The following KIF18A variants were observed in gnomAD, a reference collection of about 807,000 sequenced individuals.
The protein encoded by KIF18A is kinesin-like protein KIF18A.
KIF18A carries 67 observed loss-of-function variants against 103.3 expected under a neutral mutation model. That is an observed-to-expected ratio of 0.65 (90% CI 0.53 to 0.79). The LOEUF (loss-of-function observed/expected upper bound fraction) is 0.79, where lower values mean the gene tolerates loss of function less well. KIF18A is among the 30% of genes least tolerant of loss of function. KIF18A has a pLI of 0.00. For synonymous variants in KIF18A, 367 were observed against 355.5 expected (o/e 1.03, Z -0.36); for missense variants, 1,032 against 1,062.5 (o/e 0.97, Z 0.40).
In KIF18A at chr11:28,051,983, GAT is replaced by G. The variant is rs528896504; in HGVS notation, c.1948+6941_1948+6942del. 3.3e-5 allele frequency among the ~76,000 whole-genome samples: 5 copies of G among 152,120 alleles called. No homozygotes were observed. In the South Asian group the frequency reaches 1.0e-3, roughly 32 times the overall value. ...CTCTGAAGGTGACTCAATTCTTTTAGATGCTAAGTTCCAAAATTTTAGATTCA... is the reference window on the plus strand; with the variant it reads ...CTCTGAAGGTGACTCAATTCTTTTAGGCTAAGTTCCAAAATTTTAGATTCA... On this transcript the variant is annotated intron_variant, in intron 13 of 16. Coordinates refer to ENST00000263181, the MANE Select transcript of KIF18A (RefSeq NM_031217.4).
chr11:28,076,597 T>C (rs1020453405), intron 10 of KIF18A: 1 of 152,396 alleles, frequency 6.6e-6, no homozygotes, highest in African/African-American at 2.4e-5. Flanking sequence ...CTGTAAAGAA[T>C]GGGTGAGTAA....
At chr11:28,096,439 T>C (rs1188816508) in intron 2 of KIF18A, among the ~76,000 whole-genome samples, 1 of 152,188 alleles carries the variant, frequency 6.6e-6, no homozygotes, top group Admixed American at 6.5e-5. Flanking sequence ...AGGTTTAAAA[T>C]GGCTTATTCT....
intron 1 of KIF18A, among the ~76,000 whole-genome samples, chr11:28,105,764 A>G (rs965472133): frequency 1.3e-5 from 2 of 152,226 alleles, no homozygotes; most frequent in Non-Finnish European, 2.9e-5. Context: ...CTCAATAAGT[A>G]TGCTTTAACA....
chr11:28,096,422 A>T (rs1284044038), intron 2 of KIF18A, among the ~76,000 whole-genome samples: 3 of 152,200 alleles, frequency 2.0e-5, no homozygotes, highest in African/African-American at 7.2e-5. Context: ...AAGCTGGTAT[A>T]TAAGGAAGGT....
intron 6 of KIF18A, among the ~76,000 whole-genome samples, chr11:28,087,887 T>G (rs1453733399): frequency 6.6e-6 from 1 of 152,212 alleles, no homozygotes; most frequent in Non-Finnish European, 1.5e-5. Flanking sequence ...CGAGTATGGT[T>G]TAACTTAAAT....
At chr11:28,059,299 G>T (rs759945355) in intron 12 of KIF18A, 138 bp from the exon 13 acceptor site, 1 of 693,770 alleles carries the variant, frequency 1.4e-6, no homozygotes, top group Non-Finnish European at 2.4e-6. Flanking sequence ...TCTAGTCTCA[G>T]ATTGTCTTCA....
At chr11:28,105,518 G>A (rs976391913) in intron 1 of KIF18A, among the ~76,000 whole-genome samples, 5 of 152,084 alleles carry the variant, frequency 3.3e-5, no homozygotes, top group African/African-American at 4.8e-5. Context: ...AAATTAATAC[G>A]TCTATCACCA....
At chr11:28,049,985 A>G (rs1484949569) in intron 13 of KIF18A, among the ~76,000 whole-genome samples, 1 of 151,942 alleles carries the variant, frequency 6.6e-6, no homozygotes, top group Non-Finnish European at 1.5e-5. Flanking sequence ...TACACTTATG[A>G]GACACTCTCA....
chr11:28,054,144 T>C (rs1449708502), intron 13 of KIF18A, among the ~76,000 whole-genome samples: 2 of 151,966 alleles, frequency 1.3e-5, no homozygotes, highest in Non-Finnish European at 2.9e-5. Context: ...GCAATAATAG[T>C]GAAAATTTAT....
chr11:28,057,905 T>TTTGTTTAGTTA (rs1850802516), intron 13 of KIF18A, among the ~76,000 whole-genome samples: 1 of 152,068 alleles, frequency 6.6e-6, no homozygotes, highest in African/African-American at 2.4e-5. Flanking sequence ...CCAATAAACA[T>TTTGTTTAGTTA]AATAAACTAA....
intron 13 of KIF18A, chr11:28,057,036 T>TA (rs1269422315): frequency 6.7e-5 from 13 of 194,372 alleles, no homozygotes; most frequent in East Asian, 1.8e-4. Context: ...AACATATATA[T>TA]AAAAAAAAGC....
At chr11:28,064,694 A>G (rs1291196689) in intron 11 of KIF18A, among the ~76,000 whole-genome samples, 1 of 152,082 alleles carries the variant, frequency 6.6e-6, no homozygotes, top group African/African-American at 2.4e-5. Context: ...ACTTGATTGT[A>G]TAATTGTATT....
intron 15 of KIF18A, among the ~76,000 whole-genome samples, chr11:28,032,313 A>G (rs987432322): frequency 1.3e-5 from 2 of 151,980 alleles, no homozygotes; most frequent in Non-Finnish European, 2.9e-5. Flanking sequence ...TACAGAATCA[A>G]TGCAATCCCT....
chr11:28,086,741 A>C (rs1851233888), intron 6 of KIF18A, among the ~76,000 whole-genome samples: 1 of 152,200 alleles, frequency 6.6e-6, no homozygotes, highest in African/African-American at 2.4e-5. Flanking sequence ...GTGCTATTTT[A>C]AGTGATTTTA....
At chr11:28,101,528 G>A (rs1312645935) in intron 1 of KIF18A, among the ~76,000 whole-genome samples, 1 of 152,104 alleles carries the variant, frequency 6.6e-6, no homozygotes, top group Non-Finnish European at 1.5e-5. Flanking sequence ...GACTGTGATA[G>A]TGGATAAGTT....
intron 12 of KIF18A, among the ~76,000 whole-genome samples, chr11:28,060,992 T>G (rs1850850132): frequency 6.6e-6 from 1 of 152,204 alleles, no homozygotes; most frequent in Admixed American, 6.5e-5. Flanking sequence ...CTTTGCGCCC[T>G]GTACCTTTTC....
At chr11:28,030,380 A>C (rs1017006500) in intron 15 of KIF18A, among the ~76,000 whole-genome samples, 1 of 151,816 alleles carries the variant, frequency 6.6e-6, no homozygotes, top group Non-Finnish European at 1.5e-5. Context: ...AATACCATAC[A>C]TCTACAACCA....
intron 3 of KIF18A, among the ~76,000 whole-genome samples, chr11:28,092,602 G>T (rs1851320869): frequency 6.6e-6 from 1 of 151,920 alleles, no homozygotes; most frequent in African/African-American, 2.4e-5. Flanking sequence ...ATTTATTAAA[G>T]GTATAAAGTT....
chr11:28,023,223 T>G (rs867927165), intron 16 of KIF18A, among the ~76,000 whole-genome samples: 3 of 152,140 alleles, frequency 2.0e-5, no homozygotes, highest in Middle Eastern at 3.2e-3. Flanking sequence ...ATGTAGTATC[T>G]TTCATACTGA....
Sources: gnomAD v4.1 joint callset for allele counts (sites outside exome capture counted in the v4.1 genomes callset) on GRCh38, gnomAD v4.1.1 for gene constraint, MANE v1.5 for transcripts, NCBI Gene and HGNC (gene_info 2026-07-23, HGNC 2026-07-21) for gene names.